TRIM33: variants seen among roughly 807,000 people sequenced by gnomAD.
TRIM33 encodes the protein E3 ubiquitin-protein ligase TRIM33.
In TRIM33, 20 loss-of-function variants were observed where a neutral mutation model predicts 125.4. The ratio of observed to expected loss-of-function variants is 0.16; its 90% CI spans 0.11 to 0.23. The LOEUF (loss-of-function observed/expected upper bound fraction) is 0.23. Among genes scored for constraint, TRIM33 ranks in the 10% least tolerant of loss-of-function variants. The pLI, the probability that TRIM33 is intolerant of heterozygous loss-of-function variation, is 1.00. For missense variants in TRIM33, 920 were observed against 1,411.4 expected (o/e 0.65, Z 5.58); for synonymous variants, 564 against 513.9 (o/e 1.10, Z -1.32).
intron 1 of TRIM33, among the ~76,000 whole-genome samples, chr1:114,475,978 T>C (rs894737223): frequency 3.9e-5 from 6 of 152,060 alleles, no homozygotes; most frequent in East Asian, 3.9e-4. Flanking sequence ...CCAGCCAGGG[T>C]GACAGAGAAA....
intron 17 of TRIM33, among the ~76,000 whole-genome samples, chr1:114,400,573 T>C (rs774989785): frequency 6.6e-6 from 1 of 152,252 alleles, no homozygotes; most frequent in Non-Finnish European, 1.5e-5. Flanking sequence ...ATCCCTGCAC[T>C]TAAAGATGAG....
intron 4 of TRIM33, among the ~76,000 whole-genome samples, chr1:114,449,472 T>TA (rs1649188038): frequency 1.3e-5 from 2 of 151,912 alleles, no homozygotes; most frequent in South Asian, 2.1e-4. Flanking sequence ...AAAATACAGA[T>TA]AAAAAATGTA....
chr1:114,494,552 C>G (rs987532326), intron 1 of TRIM33, among the ~76,000 whole-genome samples: 6 of 152,080 alleles, frequency 3.9e-5, no homozygotes, highest in African/African-American at 1.4e-4. Flanking sequence ...AGGATATATA[C>G]CTGACAAAAG....
intron 4 of TRIM33, among the ~76,000 whole-genome samples, chr1:114,452,709 T>A (rs760628047): frequency 2.5e-4 from 30 of 121,474 alleles, no homozygotes; most frequent in Middle Eastern, 6.2e-3. Flanking sequence ...CCGGGCAACA[T>A]GGCAAGACCC....
At chr1:114,457,823 C>T (rs994424312) in intron 4 of TRIM33, among the ~76,000 whole-genome samples, 10 of 152,286 alleles carry the variant, frequency 6.6e-5, no homozygotes, top group African/African-American at 2.2e-4. Context: ...ATCAACTCAG[C>T]GGGCATGTGA....
intron 1 of TRIM33, among the ~76,000 whole-genome samples, chr1:114,474,293 TG>T (rs1367541021): frequency 1.3e-5 from 2 of 151,802 alleles, no homozygotes; most frequent in Non-Finnish European, 2.9e-5. Flanking sequence ...GCTGGAGTCT[TG>T]GTGCGGTGGC....
At chr1:114,405,286 A>G in intron 15 of TRIM33, 124 bp downstream of exon 15, 2 of 702,512 alleles carry the variant, frequency 2.8e-6, no homozygotes, top group East Asian at 2.6e-5. Flanking sequence ...CAAAAGAATA[A>G]CAGGCTCCCT....
At chr1:114,459,587 T>C (rs988778333) in intron 4 of TRIM33, among the ~76,000 whole-genome samples, 3 of 152,118 alleles carry the variant, frequency 2.0e-5, no homozygotes, top group South Asian at 4.1e-4. Context: ...CTGGGCGACA[T>C]AGCAAGATCT....
intron 1 of TRIM33, among the ~76,000 whole-genome samples, chr1:114,497,099 G>A (rs1235135090): frequency 6.6e-6 from 1 of 152,160 alleles, no homozygotes; most frequent in Admixed American, 6.6e-5. Context: ...AATTTTAAAT[G>A]TTGTGCTACA....
chr1:114,453,290 G>A (rs1649428353), intron 4 of TRIM33, among the ~76,000 whole-genome samples: 1 of 151,654 alleles, frequency 6.6e-6, no homozygotes, highest in Non-Finnish European at 1.5e-5. Context: ...CTTGAATCCA[G>A]GAGGCAGAGG....
intron 1 of TRIM33, among the ~76,000 whole-genome samples, chr1:114,471,091 GC>G (rs1650616937): frequency 6.6e-6 from 1 of 152,184 alleles, no homozygotes; most frequent in Admixed American, 6.5e-5. Context: ...GAGCCACTGC[GC>G]CTGGCCTGCA....
chr1:114,467,864 T>G (rs1316021232), intron 1 of TRIM33, among the ~76,000 whole-genome samples: 1 of 152,326 alleles, frequency 6.6e-6, no homozygotes, highest in Middle Eastern at 3.4e-3. Context: ...AAAGCTTTGG[T>G]CATCAACACC....
chr1:114,418,325 T>C (rs1031951371), intron 11 of TRIM33, among the ~76,000 whole-genome samples: 1 of 152,194 alleles, frequency 6.6e-6, no homozygotes, highest in Admixed American at 6.5e-5. Flanking sequence ...GAGGTGAGAT[T>C]TGGGTGAGGA....
At position 114,424,663 on chromosome 1, in the gene TRIM33, A is replaced by G. The variant is rs1433540303; in HGVS notation, c.1788T>C (p.Ala596=). Residue 596 remains alanine, a synonymous_variant, in exon 10 of 20, where the codon GCT becomes GCC. Coordinates refer to ENST00000358465, the MANE Select transcript of TRIM33 (RefSeq NM_015906.4). ...GCCTGGGTATCCCTGGTATTCTGGC[A>G]GCATTCTGAGCCAGTCTCATCTGAT... The part of the protein sequence containing the change: ...QAHQMRLAQN[A]ARIPGIPRHS... 2 of 1,611,778 alleles carry G rather than the reference A, an allele frequency of 1.2e-6. No homozygotes were observed. The highest frequency in any genetic ancestry group is 1.3e-5 in the African/African-American group (1 of 74,972).
At chr1:114,421,200 A>ACTTT (rs1653259414) in intron 11 of TRIM33, among the ~76,000 whole-genome samples, 1 of 152,196 alleles carries the variant, frequency 6.6e-6, no homozygotes, top group African/African-American at 2.4e-5. Context: ...AACAGAGGAT[A>ACTTT]GAAAGATGGT....
chr1:114,508,577 A>G (rs966085473), intron 1 of TRIM33, among the ~76,000 whole-genome samples: 7 of 152,010 alleles, frequency 4.6e-5, no homozygotes, highest in African/African-American at 1.7e-4. Context: ...AAAACATCCC[A>G]ATCTGAAAAC....
Position 114,510,792 on chromosome 1 carries a change from C to G in TRIM33, c.285G>C (p.Ser95=). Residue 95 remains serine (S), a synonymous_variant, in exon 1 of 20, where the codon TCG becomes TCC. Transcript: ENST00000358465. The part of the protein sequence containing the change: ...VGTGVAGGAV[S]TPAPAPASAP... ...CCGAGGCTGGAGCTGGAGCCGGCGT[C>G]GATACTGCGCCCCCGGCAACTCCAG... 3.3e-6 allele frequency: 5 copies of G among 1,518,964 alleles called. No homozygotes were observed. Among genetic ancestry groups the G allele is most frequent in the Non-Finnish European group, 3.5e-6 (4 of 1,139,264 alleles). 94.1% of individuals were successfully genotyped at this position (1,518,964 alleles called of 1,614,324 possible).
chr1:114,502,191 ACT>A lies in TRIM33; in HGVS notation c.526+8358_526+8359del, dbSNP rs1652759198. The stretch of plus-strand genomic sequence containing the variant: ...AGGCTTTTTCTGAACTGTTATGGGT[ACT>A]CCAAAATGAAGAACTATAAATGTAT... On this transcript the variant is annotated intron_variant, in intron 1 of 19. Transcript: ENST00000358465. Among the ~76,000 whole-genome samples, 3 of 152,282 alleles carry A rather than the reference ACT, an allele frequency of 2.0e-5. No individual in the cohort carries two copies. In the South Asian group the frequency reaches 6.2e-4, roughly 32 times the overall value.
At chr1:114,440,416 T>C (rs1444286303) in intron 4 of TRIM33, among the ~76,000 whole-genome samples, 3 of 151,080 alleles carry the variant, frequency 2.0e-5, no homozygotes, top group Non-Finnish European at 2.9e-5. Flanking sequence ...AGACTACATA[T>C]ATAAGGAAAA....
Sources: allele counts gnomAD v4.1 joint callset (sites outside exome capture counted in the v4.1 genomes callset), GRCh38; gene constraint gnomAD v4.1.1; transcripts MANE v1.5; gene names NCBI Gene and HGNC (gene_info 2026-07-23, HGNC 2026-07-21).